The following ACTN2 variants were observed in gnomAD, a reference collection of about 807,000 sequenced individuals.
The protein encoded by ACTN2 is actinin alpha 2.
Under a neutral mutation model 113.8 loss-of-function variants are expected in ACTN2, and 39 were observed. That is an observed-to-expected ratio of 0.34 (90% CI 0.27 to 0.45). ACTN2 has a LOEUF of 0.45. Ranked by LOEUF, ACTN2 falls within the 20% of genes least tolerant of loss-of-function variation. ACTN2 has a pLI of 1.00. For missense variants in ACTN2, 992 were observed against 1,177.9 expected (o/e 0.84, Z 2.31); for synonymous variants, 429 against 444.1 (o/e 0.97, Z 0.43).
chr1:236,715,312 C>T (rs1324355920), intron 1 of ACTN2, among the ~76,000 whole-genome samples: 1 of 108,150 alleles, frequency 9.2e-6, no homozygotes, highest in Non-Finnish European at 1.8e-5. Flanking sequence ...CCCCCCTCCC[C>T]CCACCCTGTT....
chr1:236,747,840 G>T, intron 13 of ACTN2, 65 bp downstream of exon 13: 1 of 1,209,048 alleles, frequency 8.3e-7, no homozygotes, highest in East Asian at 2.5e-5. Context: ...TTAAATCACT[G>T]GTATTCATTG....
chr1:236,711,215 G>T (rs78415078), intron 1 of ACTN2, among the ~76,000 whole-genome samples: 1,576 of 152,292 alleles, frequency 0.01, 27 homozygotes, highest in African/African-American at 0.036. Context: ...CCTAATATTT[G>T]TTCCAGCTGT....
chr1:236,690,920 C>T (rs547451043), intron 1 of ACTN2, among the ~76,000 whole-genome samples: 97 of 150,926 alleles, frequency 6.4e-4, no homozygotes, highest in Non-Finnish European at 1.1e-3. Context: ...TCCCATTCCC[C>T]CCTCCTCGGG....
intron 20 of ACTN2, among the ~76,000 whole-genome samples, chr1:236,761,441 G>GCA (rs1659706480): frequency 6.6e-6 from 1 of 150,590 alleles, no homozygotes; most frequent in Admixed American, 6.6e-5. Flanking sequence ...GCGTGTGTGT[G>GCA]TGTGTGTGTG....
chr1:236,717,899 C>A lies in ACTN2; in HGVS notation c.168C>A (p.Gly56=). 6.2e-7 allele frequency: 1 copy of A among 1,614,088 alleles called. No individual in the cohort carries two copies. Among genetic ancestry groups the A allele is most frequent in the Non-Finnish European group, 8.5e-7 (1 of 1,180,006 alleles). Residue 56 remains glycine (G), a synonymous_variant, in exon 2 of 21, where the codon GGC becomes GGA. Coordinates refer to ENST00000366578, the MANE Select transcript of ACTN2 (RefSeq NM_001103.4). ...AWCNSHLRKA[G]TQIENIEEDF... is the part of the protein sequence containing the mutation. The stretch of plus-strand genomic sequence containing the variant: ...GTAACTCCCACCTAAGGAAAGCCGG[C>A]ACCCAGATTGAGAACATCGAGGAAG...
In ACTN2 at chr1:236,755,116, A is replaced by C; in HGVS notation, c.2072A>C (p.Asn691Thr). 1 of 1,614,142 alleles carries C rather than the reference A, an allele frequency of 6.2e-7. No homozygotes were observed. Among genetic ancestry groups the C allele is most frequent in the Admixed American group, 1.7e-5 (1 of 60,022 alleles). ...YEHNIINYKNNIDKLEGDHQL... is the reference protein window; with the variant it reads ...YEHNIINYKNTIDKLEGDHQL... Reference sequence around the variant, plus strand: ...CACAACATCATCAACTATAAGAACAACATCGACAAGCTGGAGGGAGACCAT... The same window carrying C: ...CACAACATCATCAACTATAAGAACACCATCGACAAGCTGGAGGGAGACCAT... Residue 691 changes from asparagine (N) to threonine (T), a missense_variant, in exon 17 of 21, where the codon AAC becomes ACC. Physicochemically the swap from Asn to Thr is moderately conservative, Grantham distance 65. Transcript: ENST00000366578.
At chr1:236,737,736 G>A (rs529033631) in intron 9 of ACTN2, among the ~76,000 whole-genome samples, 8 of 152,286 alleles carry the variant, frequency 5.3e-5, no homozygotes, top group African/African-American at 1.9e-4. Context: ...CCTCCCTGCA[G>A]AATATTTGAG....
intron 1 of ACTN2, among the ~76,000 whole-genome samples, chr1:236,705,289 C>T (rs1159378568): frequency 6.6e-6 from 1 of 151,938 alleles, no homozygotes; most frequent in Non-Finnish European, 1.5e-5. Flanking sequence ...GAATGTGGGA[C>T]TCTTCTTAGA....
chr1:236,730,768 A>G (rs542501152), intron 6 of ACTN2, among the ~76,000 whole-genome samples: 2 of 152,168 alleles, frequency 1.3e-5, no homozygotes, highest in Non-Finnish European at 1.5e-5. Flanking sequence ...AACACTAGTA[A>G]CACTCTTTAG....
chr1:236,754,928 A>G lies in ACTN2; in HGVS notation c.1975-91A>G, dbSNP rs1659506950. On this transcript the variant is annotated intron_variant, in intron 16 of 20. Coordinates refer to ENST00000366578, the MANE Select transcript of ACTN2 (RefSeq NM_001103.4). The surrounding 1 kb of genome is among the most constrained non-coding windows in gnomAD (Gnocchi z 4.9). Reference sequence around the variant, plus strand: ...CTGCCTGACGCTGGCCTAGCATCCCATGCAGGGTCTGGAACGGCGCCTCGT... The same window carrying G: ...CTGCCTGACGCTGGCCTAGCATCCCGTGCAGGGTCTGGAACGGCGCCTCGT... The G allele has an allele frequency of 2.7e-6, 4 of 1,504,244 alleles. No individual in the cohort carries two copies. Among genetic ancestry groups the G allele is most frequent in the South Asian group, 1.1e-5 (1 of 88,388 alleles). 93.2% of individuals were successfully genotyped at this position (1,504,244 alleles called of 1,614,324 possible).
chr1:236,689,307 A>G (rs1665985673), intron 1 of ACTN2, among the ~76,000 whole-genome samples: 2 of 20,842 alleles, frequency 9.6e-5, no homozygotes, highest in South Asian at 2.4e-3. Context: ...TGTGATATAT[A>G]TATATATATA....
chr1:236,696,752 G>A (rs1572095178), intron 1 of ACTN2, among the ~76,000 whole-genome samples: 1 of 148,028 alleles, frequency 6.8e-6, no homozygotes, highest in East Asian at 2.0e-4. Context: ...TGCAACCTCC[G>A]CCTCCCGGGT....
chr1:236,761,054 C>T lies in ACTN2; in HGVS notation c.2407C>T (p.Pro803Ser), dbSNP rs1659689611. The T allele has an allele frequency of 1.2e-6, 2 of 1,614,176 alleles. No individual in the cohort carries two copies. Among genetic ancestry groups the T allele is most frequent in the Non-Finnish European group, 1.7e-6 (2 of 1,180,026 alleles). The change falls in exon 20 of 21, where the codon CCC becomes TCC. Residue 803 changes from proline (P) to serine (S), a missense_variant. This residue lies in a region of ACTN2 where 736 missense variants were observed against 815.4 expected (regional missense o/e 0.90). Transcript: ENST00000366578. ...TGCCCGCATTATGACCCTGGTAGAT[C>T]CCAACGGGCAAGGCACCGTCACCTT... ...EFARIMTLVDPNGQGTVTFQS... is the reference protein window; with the variant it reads ...EFARIMTLVDSNGQGTVTFQS...
At position 236,758,596 on chromosome 1, in the gene ACTN2, T is replaced by TTTTTGTTTTGTTTTG. The variant is rs71178352; in HGVS notation, c.2301+982_2301+996dup. On this transcript the variant is annotated intron_variant, in intron 18 of 20. Transcript: ENST00000366578. Reference sequence around the variant, plus strand: ...GAGCCACCGCACCTGGCCTTTTTTCTTTTTGTTTTGTTTTGTTTTGTTTTG... The same window carrying TTTTTGTTTTGTTTTG: ...GAGCCACCGCACCTGGCCTTTTTTCTTTTTGTTTTGTTTTGTTTTGTTTTGTTTTGTTTTGTTTTG... Among the ~76,000 whole-genome samples the TTTTTGTTTTGTTTTG allele has an allele frequency of 5.0e-3, 733 of 146,340 alleles. 8 individuals carry two copies. The highest frequency in any genetic ancestry group is 0.018 in the African/African-American group (702 of 38,392).
chr1:236,745,522 A>G (rs1659207982), intron 12 of ACTN2, among the ~76,000 whole-genome samples: 1 of 152,248 alleles, frequency 6.6e-6, no homozygotes, highest in African/African-American at 2.4e-5. Flanking sequence ...ACTTTGCTTT[A>G]TCATCCCCTA....
At chr1:236,715,383 T>C (rs1658163468) in intron 1 of ACTN2, among the ~76,000 whole-genome samples, 1 of 141,504 alleles carries the variant, frequency 7.1e-6, no homozygotes, top group East Asian at 2.1e-4. Context: ...ATACATAAAA[T>C]TAATATGTTA....
chr1:236,715,117 T>G (rs1658140530), intron 1 of ACTN2, among the ~76,000 whole-genome samples: 1 of 152,100 alleles, frequency 6.6e-6, no homozygotes, highest in Non-Finnish European at 1.5e-5. Flanking sequence ...GGATGGATTT[T>G]TCTTTGAACC....
At chr1:236,713,427 G>T (rs150379012) in intron 1 of ACTN2, among the ~76,000 whole-genome samples, 8 of 152,164 alleles carry the variant, frequency 5.3e-5, no homozygotes, top group Non-Finnish European at 1.2e-4. Flanking sequence ...GGGTTTCTCC[G>T]TGTTGGTCAG....
chr1:236,759,836 T>C, intron 19 of ACTN2, 47 bp downstream of exon 19: 1 of 1,566,088 alleles, frequency 6.4e-7, no homozygotes, highest in South Asian at 1.1e-5. Flanking sequence ...TTTTATTGAA[T>C]TTGGATTTCT....
Sources: allele counts gnomAD v4.1 joint callset (sites outside exome capture counted in the v4.1 genomes callset), GRCh38; gene constraint gnomAD v4.1.1; regional missense constraint gnomAD v4.1.1; non-coding constraint Gnocchi (gnomAD v3.1); transcripts MANE v1.5; gene names NCBI Gene and HGNC (gene_info 2026-07-23, HGNC 2026-07-21).